Variants in GARS1 observed in about 807,000 individuals in gnomAD.
GARS1 encodes glycine--tRNA ligase.
In GARS1, 46 loss-of-function variants were observed where a neutral mutation model predicts 86.4. The observed-to-expected ratio is 0.53, with a 90% confidence interval of 0.42 to 0.68. The LOEUF (loss-of-function observed/expected upper bound fraction) is 0.68, where lower values mean the gene tolerates loss of function less well. GARS1 is among the 30% of genes least tolerant of loss of function. The pLI is 0.00. For synonymous variants in GARS1, 342 were observed against 329.8 expected, an observed-to-expected ratio of 1.04 and a Z score of -0.40; for missense variants, 797 against 915.6, an observed-to-expected ratio of 0.87 and a Z score of 1.67.
At chr7:30,600,102 A>G (rs1249871240) in intron 3 of GARS1, 53 bp downstream of exon 3, 19 of 1,260,868 alleles carry the variant, frequency 1.5e-5, no homozygotes, top group Non-Finnish European at 2.1e-5. Flanking sequence ...CTCTAATATT[A>G]TACTTAAATC....
At chr7:30,612,482 A>C (rs1216003029) in intron 8 of GARS1, among the ~76,000 whole-genome samples, 1 of 152,096 alleles carries the variant, frequency 6.6e-6, no homozygotes, top group Non-Finnish European at 1.5e-5. Flanking sequence ...GACTGTCTTA[A>C]GAGTCTCACC....
intron 15 of GARS1, chr7:30,631,958 G>C (rs536032849): frequency 2.3e-6 from 1 of 439,584 alleles, no homozygotes; most frequent in East Asian, 4.8e-5. Context: ...GACCTGCTTA[G>C]AGCCATAAAA....
chr7:30,611,394 C>G (rs1176840175), intron 7 of GARS1, among the ~76,000 whole-genome samples: 1 of 152,178 alleles, frequency 6.6e-6, no homozygotes, highest in Non-Finnish European at 1.5e-5. Flanking sequence ...GTATTATTTT[C>G]CAAAGGACCT....
chr7:30,630,680 T>C (rs949974504), intron 14 of GARS1, among the ~76,000 whole-genome samples: 7 of 152,026 alleles, frequency 4.6e-5, no homozygotes, highest in Non-Finnish European at 8.8e-5. Context: ...CCAGCTAATT[T>C]TTTAGTTTTT....
intron 6 of GARS1, among the ~76,000 whole-genome samples, chr7:30,607,244 T>A (rs117386613): frequency 6.6e-6 from 1 of 152,200 alleles, no homozygotes; most frequent in Admixed American, 6.5e-5. Flanking sequence ...GTTTCCTTTT[T>A]AAAAATTTGT....
rs148367610 is a variant in GARS1, at chr7:30,625,816, T to C, written c.1614-418T>C. The stretch of plus-strand genomic sequence containing the variant: ...GGATTGTAAAATTACTTCTGTAAGA[T>C]GGCATGCTGGTTCATTTGTACATTT... On this transcript the variant is annotated intron_variant, in intron 12 of 16. Transcript: ENST00000389266. Among the ~76,000 whole-genome samples the C allele has an allele frequency of 2.1e-3, 323 of 152,366 alleles. 2 individuals carry two copies. The highest frequency in any genetic ancestry group is 7.4e-3 in the African/African-American group (308 of 41,590).
rs955442290 is a variant in GARS1 at position 30,617,379 on chromosome 7, G to A, written c.1359+101G>A. 16 of 1,366,868 alleles carry A rather than the reference G, an allele frequency of 1.2e-5. No homozygotes were observed. In the African/African-American group the frequency reaches 2.2e-4, roughly 18 times the overall value. The allele number at this position is 1,366,868 out of a possible 1,614,324, so 84.7% of individuals were successfully genotyped here. A position where few individuals can be genotyped will look rare whatever the true frequency, so the allele number is the denominator to read the frequency against. ...CACTTTATGTCACAGAGGAACAAAG[G>A]GAAAAGAAAAGAGATCTTTTCCTGA... On this transcript the variant is annotated intron_variant, in intron 10 of 16. Coordinates refer to ENST00000389266, the MANE Select transcript of GARS1 (RefSeq NM_002047.4).
chr7:30,598,589 A>G (rs1189257589), intron 1 of GARS1, among the ~76,000 whole-genome samples: 1 of 152,042 alleles, frequency 6.6e-6, no homozygotes, highest in African/African-American at 2.4e-5. Context: ...GTGTATCACC[A>G]TGTTGGCCAG....
Position 30,628,669 on chromosome 7 carries a change from A to G in GARS1, c.1809A>G (p.Thr603=), listed in dbSNP as rs760407740. Residue 603 remains threonine, a splice_region_variant and synonymous_variant, in exon 14 of 17, where the codon ACA becomes ACG. Coordinates refer to ENST00000389266, the MANE Select transcript of GARS1 (RefSeq NM_002047.4). ...TACGAGAAGGAGATGAACAGAGAAC[A>G]GTAAGTTGTTGTGTACAGTGTGCTG... ...FHVREGDEQR[T]FFSFPAVVAP... 18 of 1,596,450 alleles carry G rather than the reference A, an allele frequency of 1.1e-5. No homozygotes were observed. Among genetic ancestry groups the G allele is most frequent in the African/African-American group, 2.7e-5 (2 of 74,576 alleles).
intron 14 of GARS1, among the ~76,000 whole-genome samples, chr7:30,630,868 A>G (rs1428981206): frequency 6.6e-6 from 1 of 152,140 alleles, no homozygotes; most frequent in Non-Finnish European, 1.5e-5. Flanking sequence ...GCAGTTTAAG[A>G]AGGCTGTACT....
rs377159922 is a variant in GARS1 at position 30,631,489 on chromosome 7, C to A, written c.1851C>A (p.Ser617=). ...FPAVVAPFKC[S]VLPLSQNQEF... ...CTGTAGTTGCTCCATTCAAATGTTC[C>A]GTCCTCCCACTGAGCCAAAACCAGG... The change falls in exon 15 of 17, where the codon TCC becomes TCA. Residue 617 remains serine, a synonymous_variant. Coordinates refer to ENST00000389266, the MANE Select transcript of GARS1 (RefSeq NM_002047.4). 1 of 1,613,524 alleles carries A rather than the reference C, an allele frequency of 6.2e-7. No individual in the cohort carries two copies. The highest frequency in any genetic ancestry group is 1.3e-5 in the African/African-American group (1 of 74,872).
intron 1 of GARS1, among the ~76,000 whole-genome samples, chr7:30,598,414 A>G (rs1390528863): frequency 3.3e-5 from 4 of 119,538 alleles, no homozygotes; most frequent in African/African-American, 1.4e-4. Flanking sequence ...TTTGAGACGG[A>G]GTCTCACTTT....
chr7:30,603,938 C>CG (rs1295389013), intron 6 of GARS1, among the ~76,000 whole-genome samples: 1 of 152,176 alleles, frequency 6.6e-6, no homozygotes, highest in African/African-American at 2.4e-5. Flanking sequence ...TCACTGGCTA[C>CG]TTGATCTGCC....
At chr7:30,616,145 A>G (rs1782886251) in intron 9 of GARS1, 87 bp downstream of exon 9, 3 of 1,447,720 alleles carry the variant, frequency 2.1e-6, no homozygotes, top group Non-Finnish European at 2.9e-6. Flanking sequence ...GGGTGACAAG[A>G]TATTTTATTT....
chr7:30,621,664 C>A, intron 11 of GARS1, 164 bp downstream of exon 11: 1 of 679,712 alleles, frequency 1.5e-6, no homozygotes, highest in South Asian at 1.6e-5. Flanking sequence ...TGTTCCTTTC[C>A]TATTCTCTGT....
intron 1 of GARS1, among the ~76,000 whole-genome samples, chr7:30,596,503 A>G (rs1005320153): frequency 6.6e-6 from 1 of 151,846 alleles, no homozygotes; most frequent in Non-Finnish European, 1.5e-5. Context: ...AAAAACCACC[A>G]CACCCAAACC....
At chr7:30,598,723 G>C in intron 1 of GARS1, 73 bp from the exon 2 acceptor site, 1 of 1,288,282 alleles carries the variant, frequency 7.8e-7, no homozygotes, top group Non-Finnish European at 1.1e-6. Flanking sequence ...TAAAAGGCAC[G>C]CTTAAAAACA....
intron 13 of GARS1, chr7:30,627,020 A>C: frequency 2.2e-6 from 1 of 454,240 alleles, no homozygotes; most frequent in South Asian, 1.6e-5. Context: ...GTGATGTTGC[A>C]TGCTTTTTTA....
At chr7:30,597,864 T>C (rs1490955130) in intron 1 of GARS1, among the ~76,000 whole-genome samples, 1 of 152,236 alleles carries the variant, frequency 6.6e-6, no homozygotes, top group Non-Finnish European at 1.5e-5. Context: ...CAACTTTAAT[T>C]ACTCAGCTGA....
Sources: allele counts gnomAD v4.1 joint callset (sites outside exome capture counted in the v4.1 genomes callset), GRCh38; gene constraint gnomAD v4.1.1; transcripts MANE v1.5; gene names NCBI Gene and HGNC (gene_info 2026-07-23, HGNC 2026-07-21).